SYNE2: variants seen among roughly 807,000 people sequenced by gnomAD.
SYNE2 encodes the protein nesprin-2.
A neutral mutation model predicts 856.3 loss-of-function variants in SYNE2; 431 were observed. That is an observed-to-expected ratio of 0.50 (90% CI 0.47 to 0.55). SYNE2 has a LOEUF of 0.55. Ranked by LOEUF, SYNE2 falls within the 20% of genes least tolerant of loss-of-function variation. The pLI is 0.00. For synonymous variants in SYNE2, 2,923 were observed against 2,872.3 expected (o/e 1.02, Z -0.56); for missense variants, 8,129 against 8,023.2 (o/e 1.01, Z -0.50).
At chr14:63,979,704 G>A (rs1162224962) in intron 14 of SYNE2, among the ~76,000 whole-genome samples, 1 of 152,194 alleles carries the variant, frequency 6.6e-6, no homozygotes, top group Non-Finnish European at 1.5e-5. Context: ...CCTGAGGTCA[G>A]GAGTTCGAGA....
chr14:63,881,797 G>A (rs1383807806), intron 1 of SYNE2, among the ~76,000 whole-genome samples: 1 of 152,042 alleles, frequency 6.6e-6, no homozygotes, highest in East Asian at 1.9e-4. Flanking sequence ...TAGTACTATG[G>A]CATTGCAGAA....
intron 65 of SYNE2, among the ~76,000 whole-genome samples, chr14:64,111,662 G>A (rs1454479104): frequency 1.3e-5 from 2 of 152,090 alleles, no homozygotes; most frequent in Non-Finnish European, 2.9e-5. Context: ...GCCAGGTATG[G>A]TGGTGTGTGC....
At chr14:64,057,054 C>T (rs543906410) in intron 49 of SYNE2, among the ~76,000 whole-genome samples, 18 of 151,910 alleles carry the variant, frequency 1.2e-4, no homozygotes, top group East Asian at 1.2e-3. Flanking sequence ...TATTTTGATA[C>T]GGGTAATCAG....
chr14:64,101,783 A>C, intron 63 of SYNE2, 149 bp from the exon 64 acceptor site: 1 of 662,468 alleles, frequency 1.5e-6, no homozygotes, highest in South Asian at 1.7e-5. Flanking sequence ...AAAAATACAG[A>C]TAAAAAAATG....
intron 65 of SYNE2, among the ~76,000 whole-genome samples, chr14:64,110,236 C>G (rs2097795552): frequency 6.6e-6 from 1 of 151,982 alleles, no homozygotes; most frequent in Non-Finnish European, 1.5e-5. Context: ...GTAGCAATAG[C>G]CAGAAAATCA....
At chr14:64,034,652 C>G (rs1044117837) in intron 45 of SYNE2, 1 of 459,892 alleles carries the variant, frequency 2.2e-6, no homozygotes. Flanking sequence ...AATGTTCAGG[C>G]AGACCTAGAA....
chr14:64,010,151 T>TATTAGCCGGGCGAGGTGGCGG (rs776319873), intron 32 of SYNE2, 35 bp downstream of exon 32: 2 of 1,589,048 alleles, frequency 1.3e-6, no homozygotes, highest in African/African-American at 2.7e-5. Context: ...AACTGCCCAG[T>TATTAGCCGGGCGAGGTGGCGG]GACCTCACTG....
At chr14:63,884,136 C>T (rs929066353) in intron 1 of SYNE2, among the ~76,000 whole-genome samples, 6 of 151,950 alleles carry the variant, frequency 3.9e-5, no homozygotes, top group African/African-American at 1.2e-4. Flanking sequence ...CCTGGAGTAT[C>T]GAGGGTAAGT....
chr14:63,929,156 G>C (rs2095711200), intron 2 of SYNE2, among the ~76,000 whole-genome samples: 1 of 152,140 alleles, frequency 6.6e-6, no homozygotes, highest in African/African-American at 2.4e-5. Flanking sequence ...TCAGGATGGA[G>C]TCTGGTTACC....
At chr14:63,947,786 G>A (rs1408613596) in intron 6 of SYNE2, among the ~76,000 whole-genome samples, 2 of 152,056 alleles carry the variant, frequency 1.3e-5, no homozygotes, top group African/African-American at 4.8e-5. Context: ...GCGGTGAGCC[G>A]AGATCGTGCC....
At chr14:64,215,169 TAA>T in intron 106 of SYNE2, 115 bp from the exon 107 acceptor site, 1 of 989,596 alleles carries the variant, frequency 1.0e-6, no homozygotes, top group Non-Finnish European at 1.6e-6. Context: ...TCCTTTTAAT[TAA>T]AAAAATAAAG....
At chr14:64,172,698 G>A (rs1021720555) in intron 94 of SYNE2, among the ~76,000 whole-genome samples, 7 of 152,104 alleles carry the variant, frequency 4.6e-5, no homozygotes, top group African/African-American at 1.4e-4. Flanking sequence ...TTGGGAGGCC[G>A]AGGTGGGAGG....
At chr14:63,773,274 A>G (rs1886988589) in intron 1 of SYNE2, among the ~76,000 whole-genome samples, 1 of 152,020 alleles carries the variant, frequency 6.6e-6, no homozygotes, top group African/African-American at 2.4e-5. Flanking sequence ...ATCACGGCTC[A>G]CTGCAGTCTC....
At chr14:64,047,311 C>T (rs554109576) in intron 45 of SYNE2, among the ~76,000 whole-genome samples, 102 of 151,786 alleles carry the variant, frequency 6.7e-4, no homozygotes, top group Non-Finnish European at 1.1e-3. Flanking sequence ...TTTGGAATTA[C>T]GCAAAAAAGG....
intron 43 of SYNE2, 72 bp from the exon 44 acceptor site, chr14:64,029,823 C>A: frequency 6.8e-7 from 1 of 1,480,032 alleles, no homozygotes; most frequent in Non-Finnish European, 9.3e-7. Context: ...ATTTATTAGT[C>A]ATTTAATTAT....
At chr14:64,012,841 A>G (rs374108754) in intron 32 of SYNE2, among the ~76,000 whole-genome samples, 1 of 152,390 alleles carries the variant, frequency 6.6e-6, no homozygotes, top group East Asian at 1.9e-4. Context: ...TTGTGATGAC[A>G]TAGGTACTAT....
At chr14:64,016,689 CTTT>C (rs1432412958) in intron 33 of SYNE2, 58 bp downstream of exon 33, 1 of 1,171,146 alleles carries the variant, frequency 8.5e-7, no homozygotes, top group African/African-American at 1.5e-5. Context: ...TTTGGTGTAT[CTTT>C]AGTATTTTTA....
intron 1 of SYNE2, among the ~76,000 whole-genome samples, chr14:63,870,495 C>T (rs1273929556): frequency 1.5e-5 from 2 of 129,712 alleles, no homozygotes; most frequent in African/African-American, 3.0e-5. Flanking sequence ...CCCCTAAACA[C>T]CTGATACCTA....
intron 1 of SYNE2, among the ~76,000 whole-genome samples, chr14:63,840,126 CG>C (rs1191147866): frequency 6.6e-6 from 1 of 152,008 alleles, no homozygotes; most frequent in Non-Finnish European, 1.5e-5. Flanking sequence ...AAAAATTAGC[CG>C]GGCGTGGTGT....
Sources: allele counts gnomAD v4.1 joint callset (sites outside exome capture counted in the v4.1 genomes callset), GRCh38; gene constraint gnomAD v4.1.1; transcripts MANE v1.5; gene names NCBI Gene and HGNC (gene_info 2026-07-23, HGNC 2026-07-21).